The following TMPRSS2 variants were observed in gnomAD, a reference collection of about 807,000 sequenced individuals.
TMPRSS2 encodes the protein transmembrane protease serine 2.
A neutral mutation model predicts 67.4 loss-of-function variants in TMPRSS2; 59 were observed. The observed-to-expected ratio is 0.88, with a 90% CI of 0.71 to 1.09. The LOEUF (loss-of-function observed/expected upper bound fraction) is 1.09, where lower values mean the gene tolerates loss of function less well. TMPRSS2 is among the 50% of genes least tolerant of loss of function. The pLI, the probability that TMPRSS2 is intolerant of heterozygous loss-of-function variation, is 0.00. For missense variants in TMPRSS2, 668 were observed against 642.7 expected, an observed-to-expected ratio of 1.04 and a Z score of -0.43; for synonymous variants, 257 against 257.0, an observed-to-expected ratio of 1.00 and a Z score of 0.00.
chr21:41,468,049 T>C, intron 12 of TMPRSS2, 163 bp from the exon 13 acceptor site: 1 of 714,706 alleles, frequency 1.4e-6, no homozygotes, highest in Non-Finnish European at 2.3e-6. Context: ...GTAACAGAGA[T>C]GTAACCCCCA....
At chr21:41,484,527 A>T (rs779901424) in intron 5 of TMPRSS2, among the ~76,000 whole-genome samples, 1 of 152,220 alleles carries the variant, frequency 6.6e-6, no homozygotes, top group Non-Finnish European at 1.5e-5. Context: ...TTTCTACTCT[A>T]CGAAATGGAC....
chr21:41,485,044 T>C (rs1265153574), intron 5 of TMPRSS2, among the ~76,000 whole-genome samples: 1 of 150,172 alleles, frequency 6.7e-6, no homozygotes, highest in East Asian at 2.0e-4. Flanking sequence ...AGAAATGTGA[T>C]TGGCTGGTAA....
At position 41,465,955 on chromosome 21, in the gene TMPRSS2, C is replaced by T. The variant is rs2091079729; in HGVS notation, c.*187G>A. 2.9e-6 allele frequency: 2 copies of T among 680,248 alleles called. No individual in the cohort carries two copies. The highest frequency in any genetic ancestry group is 5.5e-5 in the East Asian group (2 of 36,438). 42.1% of individuals were successfully genotyped at this position (680,248 alleles called of 1,614,324 possible). On this transcript the variant is annotated 3_prime_UTR_variant, in exon 14 of 14. Transcript: ENST00000332149. ...CTTGCGGACAAGGGGTTAGGGAGAG[C>T]AGGCTGGGCAGGGGAGCCACTGCAG...
chr21:41,498,825 T>G (rs1237722202), intron 1 of TMPRSS2, among the ~76,000 whole-genome samples: 1 of 152,166 alleles, frequency 6.6e-6, no homozygotes, highest in Admixed American at 6.5e-5. Flanking sequence ...CTGAACCTTG[T>G]TGAAATCTCA....
At chr21:41,479,371 TC>T in intron 6 of TMPRSS2, 89 bp from the exon 7 acceptor site, 1 of 964,130 alleles carries the variant, frequency 1.0e-6, no homozygotes, top group Non-Finnish European at 1.6e-6. Flanking sequence ...CATACGACAT[TC>T]AGAATAAGAG....
rs61735790 is a variant in TMPRSS2 at position 41,494,541 on chromosome 21, T to C, written c.53A>G (p.His18Arg). ...PPAIGPYYEN[H>R]GYQPENPYPA... ...ATAGGGGTTTTCCGGTTGGTATCCA[T>C]GGTTTTCATAGTAAGGTCCAATAGC... Residue 18 changes from histidine (H) to arginine (R), a missense_variant, in exon 3 of 14, where the codon CAT becomes CGT. Coordinates refer to ENST00000332149, the MANE Select transcript of TMPRSS2 (RefSeq NM_005656.4). The C allele has an allele frequency of 4.9e-4, 789 of 1,613,722 alleles. 3 individuals are homozygous for C. The African/African-American group carries it at 9.1e-3, about 19-fold the overall frequency.
intron 8 of TMPRSS2, among the ~76,000 whole-genome samples, chr21:41,475,521 AGT>A (rs2091200592): frequency 3.7e-5 from 1 of 27,102 alleles, no homozygotes; most frequent in Non-Finnish European, 6.6e-5. Flanking sequence ...TGAGGTGGTG[AGT>A]GAGGGGGTGA....
At position 41,478,882 on chromosome 21, in the gene TMPRSS2, G is replaced by C. The variant is rs561570726; in HGVS notation, c.683+290C>G. 2.0e-5 allele frequency among the ~76,000 whole-genome samples: 3 copies of C among 152,222 alleles called. No individual in the cohort carries two copies. Among genetic ancestry groups the C allele is most frequent in the African/African-American group, 7.2e-5 (3 of 41,452 alleles). ...CACCTCTAAATGTCTGAAGAGGAAA[G>C]AAAACTAAATAGAGTTGAATGTCGA... On this transcript the variant is annotated intron_variant, in intron 7 of 13. Coordinates refer to ENST00000332149, the MANE Select transcript of TMPRSS2 (RefSeq NM_005656.4). This position sits in a 1 kb window ranked among gnomAD's most constrained non-coding sequence, Gnocchi z 4.0.
Position 41,470,736 on chromosome 21 carries a change from C to T in TMPRSS2, c.1083G>A (p.Val361=). The change falls in exon 11 of 14, where the codon GTG becomes GTA. Residue 361 remains valine, a synonymous_variant. Transcript: ENST00000332149. ...LQKPLTFNDL[V]KPVCLPNPGM... Reference sequence around the variant, plus strand: ...CTGGGTTGGGCAGACACACTGGTTTCACTAGGTCTGTTTCAAGAAGAGAAA... The same window carrying T: ...CTGGGTTGGGCAGACACACTGGTTTTACTAGGTCTGTTTCAAGAAGAGAAA... 1.2e-6 allele frequency: 2 copies of T among 1,613,260 alleles called. No individual in the cohort carries two copies. The highest frequency in any genetic ancestry group is 1.1e-5 in the South Asian group (1 of 91,074).
intron 9 of TMPRSS2, among the ~76,000 whole-genome samples, chr21:41,473,119 C>T (rs1468090920): frequency 3.9e-5 from 6 of 152,164 alleles, no homozygotes; most frequent in Non-Finnish European, 4.4e-5. Flanking sequence ...CTGTGCCCTG[C>T]GTGCAGGGGA....
intron 1 of TMPRSS2, among the ~76,000 whole-genome samples, chr21:41,499,919 G>A (rs529737187): frequency 3.1e-4 from 47 of 152,104 alleles, no homozygotes; most frequent in African/African-American, 1.1e-3. Flanking sequence ...AAGATTATCC[G>A]TCCACAAGAC....
At chr21:41,469,241 G>A (rs376403654) in intron 11 of TMPRSS2, among the ~76,000 whole-genome samples, 74 of 152,178 alleles carry the variant, frequency 4.9e-4, no homozygotes, top group African/African-American at 1.8e-3. Context: ...CTCTCCCACA[G>A]ACATGCAACC....
At chr21:41,476,509 T>C (rs1601571202) in intron 8 of TMPRSS2, 68 bp downstream of exon 8, 2 of 1,493,726 alleles carry the variant, frequency 1.3e-6, no homozygotes, top group Non-Finnish European at 1.9e-6. Context: ...ACACAGGGAG[T>C]ACTGTTCTGA....
intron 1 of TMPRSS2, among the ~76,000 whole-genome samples, chr21:41,507,798 A>AC (rs1484210643): frequency 2.6e-5 from 4 of 152,076 alleles, no homozygotes; most frequent in Admixed American, 1.3e-4. Context: ...GACTCGCAGG[A>AC]CCACCTGCCC....
At chr21:41,495,248 T>G (rs1373014472) in intron 2 of TMPRSS2, among the ~76,000 whole-genome samples, 1 of 152,202 alleles carries the variant, frequency 6.6e-6, no homozygotes, top group African/African-American at 2.4e-5. Context: ...GTCTATTTAT[T>G]AAACAGGAGT....
At chr21:41,484,853 C>G (rs956767189) in intron 5 of TMPRSS2, among the ~76,000 whole-genome samples, 2 of 151,944 alleles carry the variant, frequency 1.3e-5, no homozygotes, top group African/African-American at 4.8e-5. Context: ...CCAACTGTGC[C>G]ATGGTGGGAA....
At chr21:41,489,479 T>C (rs762261758) in intron 4 of TMPRSS2, 28 bp downstream of exon 4, 1 of 1,603,576 alleles carries the variant, frequency 6.2e-7, no homozygotes, top group Non-Finnish European at 8.5e-7. Context: ...CAGGAGCACA[T>C]GGTGGGATCG....
At chr21:41,477,715 A>C (rs1181548402) in intron 7 of TMPRSS2, among the ~76,000 whole-genome samples, 1 of 152,000 alleles carries the variant, frequency 6.6e-6, no homozygotes, top group African/African-American at 2.4e-5. Context: ...TGTCCCCTTT[A>C]AGAGAAGACA....
intron 5 of TMPRSS2, among the ~76,000 whole-genome samples, chr21:41,482,202 A>T (rs576181035): frequency 6.6e-6 from 1 of 152,176 alleles, no homozygotes; most frequent in Non-Finnish European, 1.5e-5. Context: ...ATTTAAAGAA[A>T]CAAAACATTA....
Sources: gnomAD v4.1 joint callset for allele counts (sites outside exome capture counted in the v4.1 genomes callset) on GRCh38, gnomAD v4.1.1 for gene constraint, Gnocchi (gnomAD v3.1) non-coding constraint, MANE v1.5 for transcripts, NCBI Gene and HGNC (gene_info 2026-07-23, HGNC 2026-07-21) for gene names.